Variants in OR9Q1 observed in about 807,000 individuals in gnomAD.
The protein encoded by OR9Q1 is olfactory receptor family 9 subfamily Q member 1, also known as olfactory receptor 9Q1.
For synonymous variants in OR9Q1, 153 were observed against 148.6 expected (o/e 1.03, Z -0.22); for missense variants, 374 against 378.8 (o/e 0.99, Z 0.11).
At chr11:58,106,287 A>G (rs930533041) in intron 2 of OR9Q1, among the ~76,000 whole-genome samples, 7 of 151,488 alleles carry the variant, frequency 4.6e-5, no homozygotes, top group African/African-American at 1.7e-4. Context: ...GGCTGTTTGT[A>G]GGTCTTCTTT....
chr11:58,121,620 C>T (rs904452748), intron 2 of OR9Q1, among the ~76,000 whole-genome samples: 4 of 152,146 alleles, frequency 2.6e-5, no homozygotes, highest in African/African-American at 4.8e-5. Context: ...AATCTTACAC[C>T]CCCAACTTCC....
At chr11:58,043,879 T>A (rs1040917925) in intron 1 of OR9Q1, among the ~76,000 whole-genome samples, 1 of 152,224 alleles carries the variant, frequency 6.6e-6, no homozygotes, top group Non-Finnish European at 1.5e-5. Context: ...TATCATTCTC[T>A]TTTAATATAT....
At chr11:58,071,881 T>C (rs1182214479) in intron 2 of OR9Q1, among the ~76,000 whole-genome samples, 2 of 152,194 alleles carry the variant, frequency 1.3e-5, no homozygotes, top group African/African-American at 4.8e-5. Flanking sequence ...GGCAGAGATG[T>C]TTAAAATGTC....
At position 58,028,690 on chromosome 11, in the gene OR9Q1, C is replaced by T. The variant is rs146401116; in HGVS notation, c.-93+4586C>T. 6.8e-4 allele frequency among the ~76,000 whole-genome samples: 103 copies of T among 152,158 alleles called. 1 individual carries two copies. The East Asian group carries it at 0.018, about 26-fold the overall frequency. Reference sequence around the variant, plus strand: ...GGTGGAAATTGCATCCTGAAATTTCCTTGAGCCAACAGAAGCATGAAGTGT... The same window carrying T: ...GGTGGAAATTGCATCCTGAAATTTCTTTGAGCCAACAGAAGCATGAAGTGT... On this transcript the variant is annotated intron_variant, in intron 1 of 2. Coordinates refer to ENST00000335397, the MANE Select transcript of OR9Q1 (RefSeq NM_001005212.4).
intron 1 of OR9Q1, among the ~76,000 whole-genome samples, chr11:58,033,611 A>G (rs1364128249): frequency 2.0e-5 from 3 of 152,090 alleles, no homozygotes; most frequent in Non-Finnish European, 4.4e-5. Context: ...AAAAGGAGGG[A>G]GAGAGGGGAG....
At chr11:58,044,563 CCTCT>C (rs766983918) in intron 1 of OR9Q1, 1 of 152,088 alleles carries the variant, frequency 6.6e-6, no homozygotes, top group Non-Finnish European at 1.5e-5. Context: ...TTACTAGGTC[CCTCT>C]CTCTCTTTCT....
At chr11:58,131,652 G>A (rs1198924021) in intron 2 of OR9Q1, among the ~76,000 whole-genome samples, 2 of 152,006 alleles carry the variant, frequency 1.3e-5, no homozygotes, top group South Asian at 4.2e-4. Context: ...TATGTTAGAA[G>A]GAAATCTCAC....
At chr11:58,135,894 A>G (rs894111347) in intron 2 of OR9Q1, among the ~76,000 whole-genome samples, 3 of 152,316 alleles carry the variant, frequency 2.0e-5, no homozygotes, top group African/African-American at 7.2e-5. Context: ...GCAAGTGAAC[A>G]CTTTTCACTT....
chr11:58,054,778 G>A (rs754675652), intron 1 of OR9Q1, among the ~76,000 whole-genome samples: 7 of 152,046 alleles, frequency 4.6e-5, no homozygotes, highest in South Asian at 4.1e-4. Context: ...ACAAAAATTC[G>A]CCAGGCATGG....
intron 1 of OR9Q1, among the ~76,000 whole-genome samples, chr11:58,046,826 G>A (rs1853221458): frequency 1.3e-5 from 2 of 151,864 alleles, no homozygotes; most frequent in Non-Finnish European, 2.9e-5. Flanking sequence ...TCACGCCATT[G>A]CATTCCAGCC....
chr11:58,130,865 A>G (rs565878256), intron 2 of OR9Q1, among the ~76,000 whole-genome samples: 1 of 152,082 alleles, frequency 6.6e-6, no homozygotes, highest in South Asian at 2.1e-4. Flanking sequence ...CTCCTAGGGT[A>G]AAATCATTAA....
At position 58,068,788 on chromosome 11, in the gene OR9Q1, G is replaced by A. The variant is rs577536704; in HGVS notation, c.-15+12841G>A. ...GTGGTGTGAATAGCGGCTCTCAGGG[G>A]CACTCCAGAGAGCAGTTTGGTGGGG... is the stretch of plus-strand genomic sequence containing the variant. On this transcript the variant is annotated intron_variant, in intron 2 of 2. Transcript: ENST00000335397. Among the ~76,000 whole-genome samples, 32 of 152,234 alleles carry A rather than the reference G, an allele frequency of 2.1e-4. 1 individual carries two copies. The highest frequency in any genetic ancestry group is 6.5e-4 in the African/African-American group (27 of 41,550).
intron 2 of OR9Q1, among the ~76,000 whole-genome samples, chr11:58,093,974 T>C (rs1853708098): frequency 6.6e-6 from 1 of 151,992 alleles, no homozygotes. Flanking sequence ...AATATTTACA[T>C]CAAAAATATG....
chr11:58,122,980 T>C (rs1854050395), intron 2 of OR9Q1, among the ~76,000 whole-genome samples: 1 of 152,174 alleles, frequency 6.6e-6, no homozygotes, highest in Non-Finnish European at 1.5e-5. Flanking sequence ...TTTCGGATTT[T>C]GTTATGGTCT....
chr11:58,119,493 A>G, intron 2 of OR9Q1: 1 of 1,224,120 alleles, frequency 8.2e-7, no homozygotes, highest in South Asian at 1.5e-5. Flanking sequence ...AATAAAAAGA[A>G]TCTCAGAATT....
At chr11:58,126,386 A>T (rs530917510) in intron 2 of OR9Q1, among the ~76,000 whole-genome samples, 2 of 152,298 alleles carry the variant, frequency 1.3e-5, no homozygotes, top group East Asian at 3.9e-4. Flanking sequence ...TCTGTGTCCT[A>T]TAAGCTTTCA....
intron 1 of OR9Q1, among the ~76,000 whole-genome samples, chr11:58,046,132 A>G (rs1047994397): frequency 4.6e-5 from 7 of 152,374 alleles, no homozygotes; most frequent in Admixed American, 2.0e-4. Flanking sequence ...AAGAGAGAAG[A>G]TAAGTACCTG....
At chr11:58,036,695 G>T (rs1195210219) in intron 1 of OR9Q1, among the ~76,000 whole-genome samples, 1 of 152,196 alleles carries the variant, frequency 6.6e-6, no homozygotes, top group African/African-American at 2.4e-5. Flanking sequence ...GACTTTAGTG[G>T]AGGAAGTAAT....
intron 1 of OR9Q1, chr11:58,031,450 C>G (rs764508436): frequency 5.0e-6 from 8 of 1,614,068 alleles, no homozygotes; most frequent in Non-Finnish European, 6.8e-6. Flanking sequence ...CAATCTACCT[C>G]TTGTCTCAGC....
Sources: gnomAD v4.1 joint callset for allele counts (sites outside exome capture counted in the v4.1 genomes callset) on GRCh38, gnomAD v4.1.1 for gene constraint, MANE v1.5 for transcripts, NCBI Gene and HGNC (gene_info 2026-07-23, HGNC 2026-07-21) for gene names.